MDGA2: variants seen among roughly 807,000 people sequenced by gnomAD.
The protein encoded by MDGA2 is MAM domain containing glycosylphosphatidylinositol anchor 2.
In MDGA2, 40 loss-of-function variants were observed where a neutral mutation model predicts 117.8. That is an observed-to-expected ratio of 0.34 (90% confidence interval 0.26 to 0.44). The LOEUF is 0.44. MDGA2 is among the 20% of genes least tolerant of loss of function. The pLI is 1.00. For missense variants in MDGA2, 1,123 were observed against 1,250.6 expected (o/e 0.90, Z 1.54); for synonymous variants, 452 against 439.0 (o/e 1.03, Z -0.37).
chr14:47,426,932 C>T (rs1408790927), intron 1 of MDGA2, among the ~76,000 whole-genome samples: 1 of 151,786 alleles, frequency 6.6e-6, no homozygotes, highest in Non-Finnish European at 1.5e-5. Flanking sequence ...TTGTGAGTTA[C>T]TTTCTTAAAT....
intron 1 of MDGA2, among the ~76,000 whole-genome samples, chr14:47,576,255 A>C (rs1168384397): frequency 6.6e-6 from 1 of 152,226 alleles, no homozygotes. Flanking sequence ...AAAACATAAA[A>C]ATCAGCTTAC....
chr14:47,495,409 GA>G lies in MDGA2; in HGVS notation c.280+179107del, dbSNP rs146241054. Among the ~76,000 whole-genome samples the G allele has an allele frequency of 2.4e-4, 35 of 147,056 alleles. No homozygotes were observed. In the East Asian group the frequency reaches 3.0e-3, roughly 12 times the overall value. On this transcript the variant is annotated intron_variant, in intron 1 of 16. Transcript: ENST00000399232. ...AACTCCACTTGTATCCCTAAATCCA[GA>G]AAAAAAAAATAAAAGAAAGAAATTT... is the stretch of plus-strand genomic sequence containing the variant.
chr14:47,115,507 T>G (rs757877351), intron 5 of MDGA2, among the ~76,000 whole-genome samples: 1 of 151,394 alleles, frequency 6.6e-6, no homozygotes, highest in African/African-American at 2.4e-5. Flanking sequence ...ATATATCAAG[T>G]TTTTTTTTAT....
At chr14:47,483,601 T>C (rs893152252) in intron 1 of MDGA2, among the ~76,000 whole-genome samples, 1 of 152,182 alleles carries the variant, frequency 6.6e-6, no homozygotes, top group Non-Finnish European at 1.5e-5. Flanking sequence ...CCACCATGTA[T>C]GTAAAGAGAA....
chr14:47,580,307 T>C (rs1896206206), intron 1 of MDGA2, among the ~76,000 whole-genome samples: 1 of 152,068 alleles, frequency 6.6e-6, no homozygotes, highest in Non-Finnish European at 1.5e-5. Flanking sequence ...TATGTCCTCA[T>C]GTGGTGAAGG....
intron 1 of MDGA2, among the ~76,000 whole-genome samples, chr14:47,578,322 T>C (rs1211710244): frequency 6.6e-6 from 1 of 152,024 alleles, no homozygotes; most frequent in Non-Finnish European, 1.5e-5. Flanking sequence ...AAAACCTAGA[T>C]GACAGGTTGA....
intron 6 of MDGA2, among the ~76,000 whole-genome samples, chr14:47,082,424 A>G (rs1329905254): frequency 1.3e-5 from 2 of 151,994 alleles, no homozygotes; most frequent in African/African-American, 4.8e-5. Context: ...CTGAAAATCC[A>G]AGGAAAAATC....
chr14:46,962,374 C>T (rs897555755), intron 8 of MDGA2, among the ~76,000 whole-genome samples: 6 of 150,022 alleles, frequency 4.0e-5, no homozygotes, highest in Non-Finnish European at 8.9e-5. Context: ...TTACTCCTAC[C>T]CTACAGATAT....
chr14:47,189,537 T>C (rs762738492), intron 3 of MDGA2, among the ~76,000 whole-genome samples: 1 of 152,076 alleles, frequency 6.6e-6, no homozygotes, highest in African/African-American at 2.4e-5. Flanking sequence ...TAAAAAAAAA[T>C]TGAGGTATTC....
intron 1 of MDGA2, among the ~76,000 whole-genome samples, chr14:47,462,808 T>C (rs149947812): frequency 1.8e-3 from 268 of 152,328 alleles, no homozygotes; most frequent in Non-Finnish European, 3.4e-3. Flanking sequence ...GTTTCAAAAC[T>C]AAATAATTAT....
In MDGA2 at chr14:47,443,640, A is replaced by G. The variant is rs190566248; in HGVS notation, c.281-142090T>C. ...TGTTTTTATAATAAAAGAATATCAA[A>G]TATGGTACTAATTGTCCAAGTTCAT... is the stretch of plus-strand genomic sequence containing the variant. On this transcript the variant is annotated intron_variant, in intron 1 of 16. Coordinates refer to ENST00000399232, the MANE Select transcript of MDGA2 (RefSeq NM_001113498.3). Among the ~76,000 whole-genome samples the G allele has an allele frequency of 3.9e-5, 6 of 152,308 alleles. No homozygotes were observed. The East Asian group carries it at 1.2e-3, about 29-fold the overall frequency.
chr14:46,988,586 A>G (rs982047979), intron 8 of MDGA2, among the ~76,000 whole-genome samples: 1 of 152,060 alleles, frequency 6.6e-6, no homozygotes, highest in Non-Finnish European at 1.5e-5. Flanking sequence ...AATGAGTGGC[A>G]GAAGGACTCA....
chr14:47,400,649 G>A (rs1364268033), intron 1 of MDGA2, among the ~76,000 whole-genome samples: 17 of 147,960 alleles, frequency 1.1e-4, no homozygotes, highest in African/African-American at 4.3e-4. Flanking sequence ...TCGTGCCACT[G>A]CACTCCAACC....
At chr14:47,585,188 G>C (rs1896301344) in intron 1 of MDGA2, among the ~76,000 whole-genome samples, 1 of 151,840 alleles carries the variant, frequency 6.6e-6, no homozygotes, top group African/African-American at 2.4e-5. Flanking sequence ...AATATATTGA[G>C]TGACTATTTG....
chr14:47,641,976 C>T (rs1897433669), intron 1 of MDGA2, among the ~76,000 whole-genome samples: 2 of 151,958 alleles, frequency 1.3e-5, no homozygotes, highest in African/African-American at 4.8e-5. Flanking sequence ...TAAGCTAGAA[C>T]CCAAGTGGTG....
At chr14:47,561,153 G>GT (rs778265539) in intron 1 of MDGA2, among the ~76,000 whole-genome samples, 3 of 63,906 alleles carry the variant, frequency 4.7e-5, no homozygotes, top group Admixed American at 4.2e-4. Flanking sequence ...TTTTTTTTTT[G>GT]TTTTGTTTTG....
chr14:47,364,416 C>G (rs1015944137), intron 1 of MDGA2, among the ~76,000 whole-genome samples: 2 of 152,154 alleles, frequency 1.3e-5, no homozygotes, highest in African/African-American at 4.8e-5. Context: ...AGGTGCCCAA[C>G]ACCACGCCCA....
intron 1 of MDGA2, among the ~76,000 whole-genome samples, chr14:47,413,250 A>G (rs896443808): frequency 3.3e-5 from 5 of 152,196 alleles, no homozygotes; most frequent in African/African-American, 7.2e-5. Context: ...TGCTTTAATT[A>G]CTCGTATATA....
At chr14:47,181,644 G>T (rs1040599382) in intron 3 of MDGA2, among the ~76,000 whole-genome samples, 5 of 152,136 alleles carry the variant, frequency 3.3e-5, no homozygotes, top group African/African-American at 1.2e-4. Context: ...ATTCATAGAT[G>T]AAAGTTCATT....
Sources: allele counts gnomAD v4.1 joint callset (sites outside exome capture counted in the v4.1 genomes callset), GRCh38; gene constraint gnomAD v4.1.1; transcripts MANE v1.5; gene names NCBI Gene and HGNC (gene_info 2026-07-23, HGNC 2026-07-21).